The following GPM6A variants were observed in gnomAD, a reference collection of about 807,000 sequenced individuals.
GPM6A encodes neuronal membrane glycoprotein M6-a.
GPM6A carries 7 observed loss-of-function variants against 32.1 expected under a neutral mutation model. That is an observed-to-expected ratio of 0.22 (90% CI 0.12 to 0.41). The LOEUF (loss-of-function observed/expected upper bound fraction) is 0.41. GPM6A is among the 10% of genes least tolerant of loss of function. GPM6A has a pLI of 1.00. For synonymous variants in GPM6A, 130 were observed against 123.4 expected (o/e 1.05, Z -0.35); for missense variants, 235 against 347.2 (o/e 0.68, Z 2.57).
At chr4:175,826,285 TTCTCTCTC>T (rs767804970) in intron 1 of GPM6A, among the ~76,000 whole-genome samples, 4 of 148,088 alleles carry the variant, frequency 2.7e-5, no homozygotes, top group African/African-American at 9.9e-5. Flanking sequence ...TAATCTCTCT[TTCTCTCTC>T]TCTCTCTCTC....
chr4:175,902,441 G>T (rs561201029), intron 1 of GPM6A, among the ~76,000 whole-genome samples: 156 of 152,284 alleles, frequency 1.0e-3, no homozygotes, highest in Admixed American at 4.4e-3. Flanking sequence ...AATGTCAGCA[G>T]CTGTGCCAAT....
intron 1 of GPM6A, among the ~76,000 whole-genome samples, chr4:175,872,265 C>T (rs747276957): frequency 3.1e-4 from 47 of 152,288 alleles, no homozygotes; most frequent in Non-Finnish European, 4.6e-4. Context: ...AACTCTGCAC[C>T]GTGGTGTCAC....
chr4:175,735,557 A>C (rs1210434880), intron 1 of GPM6A, among the ~76,000 whole-genome samples: 1 of 151,862 alleles, frequency 6.6e-6, no homozygotes, highest in African/African-American at 2.4e-5. Flanking sequence ...AGAACTATTT[A>C]TGAATCTTTT....
At chr4:175,881,990 A>G (rs1055935145) in intron 1 of GPM6A, among the ~76,000 whole-genome samples, 2 of 152,052 alleles carry the variant, frequency 1.3e-5, no homozygotes, top group African/African-American at 2.4e-5. Context: ...AAAATATAAT[A>G]AAAAATATAA....
At chr4:175,889,709 A>T (rs953275436) in intron 1 of GPM6A, among the ~76,000 whole-genome samples, 5 of 152,102 alleles carry the variant, frequency 3.3e-5, no homozygotes, top group African/African-American at 1.2e-4. Flanking sequence ...GCTACTCGGG[A>T]GGCTGAGGCA....
chr4:175,957,716 T>C (rs1004945641), intron 1 of GPM6A, among the ~76,000 whole-genome samples: 5 of 152,036 alleles, frequency 3.3e-5, no homozygotes, highest in African/African-American at 1.2e-4. Flanking sequence ...GTATATATAT[T>C]AAAAAAATCA....
chr4:175,701,632 A>C lies in GPM6A; in HGVS notation c.173T>G (p.Leu58Arg). ...TCTTGCCATCTCAAAGTAGGTTTGCAGAATGTTGACAGTTCCAGAAAGCGC... is the reference window on the plus strand; with the variant it reads ...TCTTGCCATCTCAAAGTAGGTTTGCCGAATGTTGACAGTTCCAGAAAGCGC... ...HEALSGTVNI[L>R]QTYFEMARTA... The change falls in exon 2 of 7, where the codon CTG becomes CGG. Residue 58 changes from leucine to arginine, a missense_variant. Leu to Arg is a moderately radical substitution (Grantham distance 102, BLOSUM62 -2). Transcript: ENST00000393658. 6.2e-7 allele frequency: 1 copy of C among 1,614,062 alleles called. No homozygotes were observed.
intron 1 of GPM6A, among the ~76,000 whole-genome samples, chr4:175,793,174 T>C (rs193000022): frequency 2.0e-5 from 3 of 152,118 alleles, no homozygotes; most frequent in Non-Finnish European, 4.4e-5. Flanking sequence ...TTGATAGAAC[T>C]CCTCCAAAAA....
chr4:175,725,276 C>T (rs916900325), intron 1 of GPM6A, among the ~76,000 whole-genome samples: 4 of 143,232 alleles, frequency 2.8e-5, no homozygotes, highest in African/African-American at 1.0e-4. Context: ...TCTTTTAATG[C>T]ATTATGTTTT....
At chr4:175,668,590 T>A (rs2110968863) in intron 3 of GPM6A, among the ~76,000 whole-genome samples, 1 of 146,182 alleles carries the variant, frequency 6.8e-6, no homozygotes, top group East Asian at 2.2e-4. Context: ...AATGCAGAGT[T>A]TCTTTACAAT....
At chr4:175,688,168 T>C (rs565552852) in intron 2 of GPM6A, among the ~76,000 whole-genome samples, 2 of 152,326 alleles carry the variant, frequency 1.3e-5, no homozygotes, top group East Asian at 1.9e-4. Flanking sequence ...CTGTTGACTG[T>C]TTCCTTTTCT....
At chr4:175,855,697 G>C (rs1736395068) in intron 1 of GPM6A, among the ~76,000 whole-genome samples, 1 of 152,136 alleles carries the variant, frequency 6.6e-6, no homozygotes, top group Non-Finnish European at 1.5e-5. Context: ...TATTGGAGTG[G>C]AAATTTATAA....
At chr4:175,690,639 T>G (rs1448548015) in intron 2 of GPM6A, among the ~76,000 whole-genome samples, 3 of 152,170 alleles carry the variant, frequency 2.0e-5, no homozygotes, top group Non-Finnish European at 4.4e-5. Context: ...TAGCATCTTG[T>G]TTTAGAAGTA....
chr4:175,640,914 T>A, intron 4 of GPM6A, 85 bp from the exon 5 acceptor site: 1 of 767,884 alleles, frequency 1.3e-6, no homozygotes, highest in Non-Finnish European at 2.2e-6. Context: ...GCTAATCAAA[T>A]CTAAGCAAGT....
intron 1 of GPM6A, among the ~76,000 whole-genome samples, chr4:175,831,812 G>T (rs909106637): frequency 1.5e-5 from 2 of 135,228 alleles, no homozygotes; most frequent in Non-Finnish European, 3.0e-5. Context: ...TCCTCCTCCT[G>T]GGTTCAAGTG....
chr4:175,671,303 CAA>C (rs58918034), intron 3 of GPM6A, among the ~76,000 whole-genome samples: 1 of 139,668 alleles, frequency 7.2e-6, no homozygotes, highest in African/African-American at 2.6e-5. Flanking sequence ...ATACTTGTTG[CAA>C]AAAAAAAAAA....
chr4:175,849,594 C>T (rs945699023), intron 1 of GPM6A, among the ~76,000 whole-genome samples: 1 of 152,080 alleles, frequency 6.6e-6, no homozygotes, highest in Non-Finnish European at 1.5e-5. Context: ...GTTTCATTGA[C>T]AAAAAGATGA....
chr4:175,640,672 A>C, intron 5 of GPM6A, 81 bp downstream of exon 5: 1 of 940,856 alleles, frequency 1.1e-6, no homozygotes, highest in Non-Finnish European at 1.7e-6. Flanking sequence ...GTCAATATAG[A>C]TTTAGTTTTA....
chr4:175,658,665 C>G (rs1006522460), intron 3 of GPM6A, among the ~76,000 whole-genome samples: 3 of 152,158 alleles, frequency 2.0e-5, no homozygotes, highest in Non-Finnish European at 2.9e-5. Flanking sequence ...AGTCTATCCA[C>G]TTGCTGGGGA....
Sources: gnomAD v4.1 joint callset for allele counts (sites outside exome capture counted in the v4.1 genomes callset) on GRCh38, gnomAD v4.1.1 for gene constraint, MANE v1.5 for transcripts, NCBI Gene and HGNC (gene_info 2026-07-23, HGNC 2026-07-21) for gene names.